Variants in NALF1 observed in about 807,000 individuals in gnomAD.
NALF1 encodes the protein family with sequence similarity 155 member A.
NALF1 carries 3 observed loss-of-function variants against 48.4 expected under a neutral mutation model. That is an observed-to-expected ratio of 0.06 (90% CI 0.03 to 0.16). The LOEUF is 0.16. NALF1 is among the 10% of genes least tolerant of loss of function. The pLI is 1.00. For missense variants in NALF1, 526 were observed against 571.5 expected (o/e 0.92, Z 0.81); for synonymous variants, 262 against 245.7 (o/e 1.07, Z -0.62).
At chr13:107,781,317 C>T (rs1350541609) in intron 1 of NALF1, among the ~76,000 whole-genome samples, 1 of 152,096 alleles carries the variant, frequency 6.6e-6, no homozygotes, top group Non-Finnish European at 1.5e-5. Context: ...AGAGTATCTA[C>T]TTGTAGCAGA....
At chr13:107,847,407 T>C (rs1880199767) in intron 1 of NALF1, among the ~76,000 whole-genome samples, 1 of 152,250 alleles carries the variant, frequency 6.6e-6, no homozygotes, top group Admixed American at 6.5e-5. Context: ...TTGAAATTCA[T>C]GGCCTTGTGT....
At chr13:107,443,450 C>T (rs577323656) in intron 1 of NALF1, among the ~76,000 whole-genome samples, 64 of 152,292 alleles carry the variant, frequency 4.2e-4, no homozygotes, top group African/African-American at 1.5e-3. Context: ...CCCATGACCT[C>T]AAGTGATCCA....
At chr13:107,403,569 G>A (rs145101433) in intron 1 of NALF1, among the ~76,000 whole-genome samples, 55 of 151,830 alleles carry the variant, frequency 3.6e-4, no homozygotes, top group South Asian at 1.5e-3. Flanking sequence ...ATTTTTCATA[G>A]TTTACATGAT....
intron 1 of NALF1, among the ~76,000 whole-genome samples, chr13:107,579,763 G>T (rs1878251882): frequency 1.3e-5 from 2 of 151,654 alleles, no homozygotes; most frequent in African/African-American, 4.9e-5. Flanking sequence ...ATGCTGGTGT[G>T]CTGCACCCAC....
chr13:107,756,150 T>C (rs535191828), intron 1 of NALF1, among the ~76,000 whole-genome samples: 92 of 152,302 alleles, frequency 6.0e-4, no homozygotes, highest in African/African-American at 2.1e-3. Flanking sequence ...AGAGAAACTT[T>C]TAAGAAAAAT....
chr13:107,249,827 T>C (rs1339546772), intron 1 of NALF1, among the ~76,000 whole-genome samples: 1 of 152,154 alleles, frequency 6.6e-6, no homozygotes, highest in African/African-American at 2.4e-5. Flanking sequence ...AACCTAACAG[T>C]TTTGATTTTT....
chr13:107,377,255 TG>T (rs1377793875), intron 1 of NALF1, among the ~76,000 whole-genome samples: 1 of 152,154 alleles, frequency 6.6e-6, no homozygotes, highest in East Asian at 1.9e-4. Flanking sequence ...TTCTTTCTTT[TG>T]AGGAAAGAGG....
chr13:107,859,890 G>A (rs7986859), intron 1 of NALF1, among the ~76,000 whole-genome samples: 23,973 of 140,730 alleles, frequency 0.17, 2,218 homozygotes, highest in East Asian at 0.28. Flanking sequence ...ACTCCAGCCT[G>A]GACGACAGAG....
intron 1 of NALF1, among the ~76,000 whole-genome samples, chr13:107,643,641 A>T (rs1022825288): frequency 6.6e-6 from 1 of 151,880 alleles, no homozygotes; most frequent in Non-Finnish European, 1.5e-5. Context: ...AAAAATAAGC[A>T]ATTTTATTTT....
chr13:107,713,822 C>T (rs1875671253), intron 1 of NALF1, among the ~76,000 whole-genome samples: 1 of 152,178 alleles, frequency 6.6e-6, no homozygotes, highest in South Asian at 2.1e-4. Context: ...ATATCCTAAT[C>T]CTTCCTAATG....
intron 1 of NALF1, among the ~76,000 whole-genome samples, chr13:107,342,412 A>G (rs927856227): frequency 1.3e-5 from 2 of 152,192 alleles, no homozygotes; most frequent in African/African-American, 4.8e-5. Flanking sequence ...AACATGAAAA[A>G]TGCCTCAGGA....
At chr13:107,295,784 A>G (rs968966841) in intron 1 of NALF1, among the ~76,000 whole-genome samples, 1 of 152,186 alleles carries the variant, frequency 6.6e-6, no homozygotes, top group Non-Finnish European at 1.5e-5. Flanking sequence ...TTTTATTTTA[A>G]ATCAAAACCC....
chr13:107,808,265 T>C (rs991798391), intron 1 of NALF1, among the ~76,000 whole-genome samples: 7 of 152,086 alleles, frequency 4.6e-5, no homozygotes, highest in Non-Finnish European at 8.8e-5. Context: ...GTGAGAATCC[T>C]CTCTTCTTAA....
chr13:107,729,197 AAT>A (rs1876241384), intron 1 of NALF1, among the ~76,000 whole-genome samples: 1 of 152,312 alleles, frequency 6.6e-6, no homozygotes, highest in Admixed American at 6.5e-5. Flanking sequence ...AATGTATAAA[AAT>A]ATACTTATAA....
In NALF1 at chr13:107,551,779, C is replaced by T. The variant is rs186780262; in HGVS notation, c.915+313903G>A. 1.1e-4 allele frequency among the ~76,000 whole-genome samples: 17 copies of T among 152,084 alleles called. No homozygotes were observed. The East Asian group carries it at 3.3e-3, about 29-fold the overall frequency. Reference sequence around the variant, plus strand: ...TCTCTCCATAATCCTTGCAGTATTTCTTCTGTTCTACTTATTTCTGTTAAA... The same window carrying T: ...TCTCTCCATAATCCTTGCAGTATTTTTTCTGTTCTACTTATTTCTGTTAAA... On this transcript the variant is annotated intron_variant, in intron 1 of 2. Coordinates refer to ENST00000375915, the MANE Select transcript of NALF1 (RefSeq NM_001080396.3).
At chr13:107,664,104 A>T (rs1020074527) in intron 1 of NALF1, among the ~76,000 whole-genome samples, 2 of 152,142 alleles carry the variant, frequency 1.3e-5, no homozygotes, top group African/African-American at 4.8e-5. Flanking sequence ...AAACCACCTG[A>T]CATTTTCTCC....
intron 1 of NALF1, among the ~76,000 whole-genome samples, chr13:107,815,833 C>G (rs1291344109): frequency 1.3e-5 from 2 of 152,162 alleles, no homozygotes; most frequent in African/African-American, 4.8e-5. Flanking sequence ...CTGATATATA[C>G]TATAACATTG....
chr13:107,524,413 G>A (rs1363542884), intron 1 of NALF1, among the ~76,000 whole-genome samples: 1 of 152,040 alleles, frequency 6.6e-6, no homozygotes, highest in Non-Finnish European at 1.5e-5. Context: ...AAATAAAAAA[G>A]TATGTGAAGG....
intron 1 of NALF1, among the ~76,000 whole-genome samples, chr13:107,722,637 T>C (rs531317812): frequency 4.7e-4 from 71 of 152,270 alleles, no homozygotes; most frequent in African/African-American, 1.6e-3. Context: ...CCTAGGACAG[T>C]GAGGGAGAAA....
Sources: gnomAD v4.1 joint callset for allele counts (sites outside exome capture counted in the v4.1 genomes callset) on GRCh38, gnomAD v4.1.1 for gene constraint, MANE v1.5 for transcripts, NCBI Gene and HGNC (gene_info 2026-07-23, HGNC 2026-07-21) for gene names.